SMARCA2: variants seen among roughly 807,000 people sequenced by gnomAD.
SMARCA2 encodes SWI/SNF-related matrix-associated actin-dependent regulator of chromatin subfamily A member 2.
In SMARCA2, 61 loss-of-function variants were observed where a neutral mutation model predicts 199.8. The ratio of observed to expected loss-of-function variants is 0.31; its 90% CI spans 0.25 to 0.38. The LOEUF is 0.38. Ranked by LOEUF, SMARCA2 falls within the 10% of genes least tolerant of loss-of-function variation. The pLI, the probability that SMARCA2 is intolerant of heterozygous loss-of-function variation, is 1.00. For synonymous variants in SMARCA2, 935 were observed against 732.0 expected (o/e 1.28, Z -4.48); for missense variants, 1,344 against 2,012.2 (o/e 0.67, Z 6.35).
intron 32 of SMARCA2, 66 bp from the exon 33 acceptor site, chr9:2,191,200 T>TACCACCTATA (rs1287123779): frequency 6.7e-7 from 1 of 1,495,320 alleles, no homozygotes; most frequent in Non-Finnish European, 9.3e-7. Flanking sequence ...GTGATAGTCT[T>TACCACCTATA]ACCACCTATA....
At chr9:2,160,507 C>G (rs965209944) in intron 27 of SMARCA2, 1 of 619,310 alleles carries the variant, frequency 1.6e-6, no homozygotes, top group Non-Finnish European at 3.0e-6. Flanking sequence ...TTTCAGGAAG[C>G]GTTGTACATA....
intron 19 of SMARCA2, 79 bp from the exon 20 acceptor site, chr9:2,096,578 G>C (rs1163861454): frequency 8.2e-6 from 7 of 856,456 alleles, no homozygotes; most frequent in Non-Finnish European, 1.4e-5. Flanking sequence ...TTCCAGGAGT[G>C]ACACTGACTC....
intron 25 of SMARCA2, 31 bp downstream of exon 25, chr9:2,116,080 C>A: frequency 6.7e-7 from 1 of 1,489,866 alleles, no homozygotes; most frequent in South Asian, 1.1e-5. Flanking sequence ...TTTATGAAAT[C>A]AAACAGTGGC....
At chr9:2,022,639 A>C (rs1378386410) in intron 1 of SMARCA2, among the ~76,000 whole-genome samples, 3 of 152,214 alleles carry the variant, frequency 2.0e-5, no homozygotes, top group Non-Finnish European at 4.4e-5. Flanking sequence ...AGGTTTTTAA[A>C]GTATGTATTT....
intron 2 of SMARCA2, among the ~76,000 whole-genome samples, chr9:2,029,794 G>T (rs1450996249): frequency 6.6e-6 from 1 of 152,178 alleles, no homozygotes; most frequent in Non-Finnish European, 1.5e-5. Flanking sequence ...TCTGGTTTTG[G>T]AAGAAGGTTC....
intron 27 of SMARCA2, among the ~76,000 whole-genome samples, chr9:2,150,842 T>C (rs1239209734): frequency 6.6e-6 from 1 of 151,516 alleles, no homozygotes; most frequent in Admixed American, 6.6e-5. Context: ...TGTAAATGGC[T>C]ACCTCCTTGG....
intron 28 of SMARCA2, among the ~76,000 whole-genome samples, chr9:2,164,004 T>A (rs1825817417): frequency 6.6e-6 from 1 of 152,170 alleles, no homozygotes; most frequent in South Asian, 2.1e-4. Flanking sequence ...GGCAGCACTT[T>A]GCCCAGCTCT....
chr9:2,122,339 T>A (rs555001278), intron 26 of SMARCA2, among the ~76,000 whole-genome samples: 3 of 151,898 alleles, frequency 2.0e-5, no homozygotes, highest in African/African-American at 7.3e-5. Context: ...TTTTTTTTTC[T>A]TATTAGCTCT....
At chr9:2,047,703 G>C (rs1245230259) in intron 5 of SMARCA2, 2 of 356,864 alleles carry the variant, frequency 5.6e-6, no homozygotes, top group East Asian at 4.9e-5. Flanking sequence ...GGACCCGAGA[G>C]AGTGATCATC....
chr9:2,130,726 C>T (rs1236167329), intron 27 of SMARCA2, among the ~76,000 whole-genome samples: 1 of 152,088 alleles, frequency 6.6e-6, no homozygotes, highest in Non-Finnish European at 1.5e-5. Context: ...TATATACACA[C>T]ACATATATAT....
intron 22 of SMARCA2, among the ~76,000 whole-genome samples, chr9:2,103,362 A>G (rs983864295): frequency 3.9e-5 from 6 of 152,190 alleles, no homozygotes; most frequent in Non-Finnish European, 8.8e-5. Flanking sequence ...AAAGGTTGCC[A>G]AACTCTGCTC....
chr9:2,146,398 T>A (rs935578485), intron 27 of SMARCA2, among the ~76,000 whole-genome samples: 1 of 152,116 alleles, frequency 6.6e-6, no homozygotes, highest in Non-Finnish European at 1.5e-5. Flanking sequence ...ATGGGTAGGA[T>A]CAGATCATAG....
intron 27 of SMARCA2, chr9:2,158,935 C>G (rs959117376): frequency 1.9e-6 from 3 of 1,611,122 alleles, no homozygotes; most frequent in African/African-American, 1.3e-5. Context: ...TGTTTTGTAG[C>G]TCTCTGCATT....
At chr9:2,096,413 G>C (rs1010672339) in intron 19 of SMARCA2, among the ~76,000 whole-genome samples, 1 of 152,172 alleles carries the variant, frequency 6.6e-6, no homozygotes, top group Non-Finnish European at 1.5e-5. Flanking sequence ...AGAAATTTCA[G>C]AAAACATGAC....
Position 2,034,772 on chromosome 9 carries a change from GC to G in SMARCA2, c.355+1692del, listed in dbSNP as rs552626427. Among the ~76,000 whole-genome samples the G allele has an allele frequency of 3.9e-4, 60 of 152,272 alleles. 1 individual carries two copies. The South Asian group carries it at 8.7e-3, about 22-fold the overall frequency. On this transcript the variant is annotated intron_variant, in intron 3 of 33. Coordinates refer to ENST00000349721, the MANE Select transcript of SMARCA2 (RefSeq NM_003070.5). ...TGCCTCCCCACTAGTATTTGAACAG[GC>G]TTTTGAACATCCCAGACTCTTATCT...
At chr9:2,053,372 T>C (rs1442063267) in intron 5 of SMARCA2, among the ~76,000 whole-genome samples, 1 of 152,190 alleles carries the variant, frequency 6.6e-6, no homozygotes, top group Non-Finnish European at 1.5e-5. Context: ...ATAGTTGAGG[T>C]CCAGGAAGGT....
chr9:2,179,892 A>G (rs555879070), intron 29 of SMARCA2, among the ~76,000 whole-genome samples: 10 of 152,334 alleles, frequency 6.6e-5, no homozygotes, highest in African/African-American at 2.4e-4. Context: ...GTTGCTCTCT[A>G]CAAATTACTC....
intron 27 of SMARCA2, among the ~76,000 whole-genome samples, chr9:2,124,910 A>G (rs1391946649): frequency 6.6e-6 from 1 of 152,180 alleles, no homozygotes; most frequent in Non-Finnish European, 1.5e-5. Flanking sequence ...CAGCCAGTAA[A>G]TGCATGCTGG....
At chr9:2,145,142 T>C (rs1275579808) in intron 27 of SMARCA2, among the ~76,000 whole-genome samples, 1 of 151,852 alleles carries the variant, frequency 6.6e-6, no homozygotes, top group African/African-American at 2.4e-5. Context: ...CTACTAACAA[T>C]ACAAAAATTA....
Sources: allele counts gnomAD v4.1 joint callset (sites outside exome capture counted in the v4.1 genomes callset), GRCh38; gene constraint gnomAD v4.1.1; transcripts MANE v1.5; gene names NCBI Gene and HGNC (gene_info 2026-07-23, HGNC 2026-07-21).